The following ATXN10 variants were observed in gnomAD, a reference collection of about 807,000 sequenced individuals.
The protein encoded by ATXN10 is ataxin-10.
ATXN10 carries 28 observed loss-of-function variants against 52.9 expected under a neutral mutation model. The observed-to-expected ratio is 0.53, with a 90% CI of 0.39 to 0.73. ATXN10 has a LOEUF of 0.73. Ranked by LOEUF, ATXN10 falls within the 30% of genes least tolerant of loss-of-function variation. ATXN10 has a pLI of 0.00. For missense variants in ATXN10, 565 were observed against 577.0 expected (o/e 0.98, Z 0.21); for synonymous variants, 226 against 221.5 (o/e 1.02, Z -0.18).
At chr22:45,704,588 G>A (rs1303478889) in intron 5 of ATXN10, among the ~76,000 whole-genome samples, 1 of 152,152 alleles carries the variant, frequency 6.6e-6, no homozygotes, top group Admixed American at 6.6e-5. Context: ...TTGCTAATGT[G>A]TAGAAATACA....
rs549172131 is a variant in ATXN10 at position 45,742,186 on chromosome 22, T to TA, written c.1173+1659dup. 7.8e-4 allele frequency among the ~76,000 whole-genome samples: 114 copies of TA among 145,588 alleles called. 2 individuals carry two copies. The highest frequency in any genetic ancestry group is 3.4e-3 in the Admixed American group (50 of 14,530). ...CTGTAGATAATTAATAATTGCCCTC[T>TA]AAAAAAAAAAATCAACACTCTTTAG... On this transcript the variant is annotated intron_variant, in intron 9 of 11. Transcript: ENST00000252934.
intron 9 of ATXN10, among the ~76,000 whole-genome samples, chr22:45,778,915 G>T (rs959480678): frequency 2.6e-5 from 4 of 152,144 alleles, no homozygotes; most frequent in African/African-American, 7.2e-5. Flanking sequence ...CTCCATCTTG[G>T]CACTCAGGCA....
At chr22:45,755,666 A>T (rs1033156213) in intron 9 of ATXN10, among the ~76,000 whole-genome samples, 1 of 152,184 alleles carries the variant, frequency 6.6e-6, no homozygotes, top group Non-Finnish European at 1.5e-5. Context: ...AGATTGGAAA[A>T]ATAAAATTTT....
chr22:45,678,326 C>T lies in ATXN10; in HGVS notation c.116+6147C>T, dbSNP rs563401106. On this transcript the variant is annotated intron_variant, in intron 1 of 11. Coordinates refer to ENST00000252934, the MANE Select transcript of ATXN10 (RefSeq NM_013236.4). This position sits in a 1 kb window ranked among gnomAD's most constrained non-coding sequence, Gnocchi z 4.1. The stretch of plus-strand genomic sequence containing the variant: ...GCTTTAAGTGGGTGACTTTAGTGTG[C>T]CACGTGAACCCTATCTCAATAGTGC... 6.6e-6 allele frequency: 1 copy of T among 152,258 alleles called. No homozygotes were observed. Among genetic ancestry groups the T allele is most frequent in the African/African-American group, 2.4e-5 (1 of 41,532 alleles). The allele number at this position is 152,258 out of a possible 1,614,324, so 9.4% of individuals were successfully genotyped here.
chr22:45,711,212 C>T (rs1462919577), intron 5 of ATXN10, among the ~76,000 whole-genome samples: 2 of 151,510 alleles, frequency 1.3e-5, no homozygotes, highest in Non-Finnish European at 2.9e-5. Context: ...TGGTACAAGC[C>T]ATAACTTGGG....
At chr22:45,726,774 T>A (rs1009296113) in intron 6 of ATXN10, among the ~76,000 whole-genome samples, 7 of 152,088 alleles carry the variant, frequency 4.6e-5, no homozygotes, top group African/African-American at 1.7e-4. Context: ...TTGACCTTCC[T>A]GGGCTGAAGT....
chr22:45,687,522 A>G (rs961342992), intron 1 of ATXN10, among the ~76,000 whole-genome samples: 5 of 152,216 alleles, frequency 3.3e-5, no homozygotes, highest in Admixed American at 3.3e-4. Flanking sequence ...CTCAGTAGGA[A>G]AAGAGAGGCG....
Position 45,733,992 on chromosome 22 carries a change from A to G in ATXN10, c.894+4402A>G, listed in dbSNP as rs371183586. On this transcript the variant is annotated intron_variant, in intron 7 of 11. Coordinates refer to ENST00000252934, the MANE Select transcript of ATXN10 (RefSeq NM_013236.4). This position sits in a 1 kb window ranked among gnomAD's most constrained non-coding sequence, Gnocchi z 4.4. Reference sequence around the variant, plus strand: ...TGTGTATATTCATTGTATGTTTTTAATAGTTGAATAATATTTAACTATATA... The same window carrying G: ...TGTGTATATTCATTGTATGTTTTTAGTAGTTGAATAATATTTAACTATATA... Among the ~76,000 whole-genome samples, 11 of 152,120 alleles carry G rather than the reference A, an allele frequency of 7.2e-5. No homozygotes were observed. The South Asian group carries it at 1.7e-3, about 23-fold the overall frequency.
chr22:45,678,562 A>G lies in ATXN10; in HGVS notation c.116+6383A>G, dbSNP rs1379924723. The G allele has an allele frequency of 6.6e-6, 1 of 152,174 alleles. No homozygotes were observed. Among genetic ancestry groups the G allele is most frequent in the Non-Finnish European group, 1.5e-5 (1 of 68,012 alleles). The allele number at this position is 152,174 out of a possible 1,614,324, so 9.4% of individuals were successfully genotyped here. ...TTCATAATAAAATAGCCTTTTATGTATCTTTTTCCCTACTCAGTAGTGCCT... is the reference window on the plus strand; with the variant it reads ...TTCATAATAAAATAGCCTTTTATGTGTCTTTTTCCCTACTCAGTAGTGCCT... On this transcript the variant is annotated intron_variant, in intron 1 of 11. Coordinates refer to ENST00000252934, the MANE Select transcript of ATXN10 (RefSeq NM_013236.4). This position sits in a 1 kb window ranked among gnomAD's most constrained non-coding sequence, Gnocchi z 4.1.
At chr22:45,706,679 G>T (rs1208780502) in intron 5 of ATXN10, among the ~76,000 whole-genome samples, 2 of 2,388 alleles carry the variant, frequency 8.4e-4, no homozygotes, top group Non-Finnish European at 1.7e-3. Flanking sequence ...GGAGTTTGTT[G>T]TTTAATTTCC....
chr22:45,832,372 CCCT>C (rs1456113561), intron 10 of ATXN10, among the ~76,000 whole-genome samples: 1 of 152,200 alleles, frequency 6.6e-6, no homozygotes, highest in Non-Finnish European at 1.5e-5. Context: ...CCCATCTGCA[CCCT>C]CCTCCTCAGC....
intron 5 of ATXN10, among the ~76,000 whole-genome samples, chr22:45,717,135 C>A (rs1179183733): frequency 2.0e-5 from 3 of 152,058 alleles, no homozygotes; most frequent in African/African-American, 4.8e-5. Flanking sequence ...TGGCGAAATA[C>A]CTCCTCTAGC....
In ATXN10 at chr22:45,729,452, C is replaced by T. The variant is rs771885827; in HGVS notation, c.756C>T (p.Ala252=). Residue 252 remains alanine (A), a synonymous_variant, in exon 7 of 12, where the codon GCC becomes GCT. Coordinates refer to ENST00000252934, the MANE Select transcript of ATXN10 (RefSeq NM_013236.4). ...ERVTLLDLMI[A]KITSDEPLTK... ...TTACACTGTTAGACCTTATGATAGCCAAGATAACGAGTGATGAGCCACTCA... is the reference window on the plus strand; with the variant it reads ...TTACACTGTTAGACCTTATGATAGCTAAGATAACGAGTGATGAGCCACTCA... 1.5e-5 allele frequency: 24 copies of T among 1,614,018 alleles called. No homozygotes were observed. The highest frequency in any genetic ancestry group is 1.9e-5 in the Non-Finnish European group (23 of 1,180,018).
chr22:45,757,806 C>T lies in ATXN10; in HGVS notation c.1173+17268C>T, dbSNP rs1926229627. Among the ~76,000 whole-genome samples the T allele has an allele frequency of 6.6e-6, 1 of 152,094 alleles. No individual in the cohort carries two copies. The highest frequency in any genetic ancestry group is 1.5e-5 in the Non-Finnish European group (1 of 68,018). On this transcript the variant is annotated intron_variant, in intron 9 of 11. Coordinates refer to ENST00000252934, the MANE Select transcript of ATXN10 (RefSeq NM_013236.4). The surrounding 1 kb of genome is among the most constrained non-coding windows in gnomAD (Gnocchi z 4.6). ...TTTTAAGAATTATTCTCTATTAGTA[C>T]TTTTCTTACATGATTCAACTTGGAC...
intron 7 of ATXN10, among the ~76,000 whole-genome samples, chr22:45,734,162 A>C (rs1232230813): frequency 6.6e-6 from 1 of 152,150 alleles, no homozygotes; most frequent in Admixed American, 6.5e-5. Flanking sequence ...CCAGGTTATA[A>C]ATTCCTGGAG....
At position 45,833,748 on chromosome 22, in the gene ATXN10, G is replaced by A. The variant is rs568712107; in HGVS notation, c.1238-9243G>A. 3.3e-5 allele frequency among the ~76,000 whole-genome samples: 5 copies of A among 152,294 alleles called. No individual in the cohort carries two copies. The highest frequency in any genetic ancestry group is 9.6e-5 in the African/African-American group (4 of 41,566). The stretch of plus-strand genomic sequence containing the variant: ...ACAAAACCTACCGTTCCTTGTACTG[G>A]TTTGTAGGCATAGCTCAGAAACGTG... On this transcript the variant is annotated intron_variant, in intron 10 of 11. Coordinates refer to ENST00000252934, the MANE Select transcript of ATXN10 (RefSeq NM_013236.4). This position sits in a 1 kb window ranked among gnomAD's most constrained non-coding sequence, Gnocchi z 4.3.
chr22:45,788,539 C>G lies in ATXN10; in HGVS notation c.1174-18420C>G, dbSNP rs200754533. On this transcript the variant is annotated intron_variant, in intron 9 of 11. Coordinates refer to ENST00000252934, the MANE Select transcript of ATXN10 (RefSeq NM_013236.4). ...TTCATTCAGCGTCTGCAGCAGCTTCCTCACTGGGCTTCTTCGTGCCGCTCT... is the reference window on the plus strand; with the variant it reads ...TTCATTCAGCGTCTGCAGCAGCTTCGTCACTGGGCTTCTTCGTGCCGCTCT... Among the ~76,000 whole-genome samples, 10 of 152,022 alleles carry G rather than the reference C, an allele frequency of 6.6e-5. No homozygotes were observed. The East Asian group carries it at 1.9e-3, about 29-fold the overall frequency.
intron 9 of ATXN10, among the ~76,000 whole-genome samples, chr22:45,798,405 T>G (rs1056244860): frequency 1.1e-4 from 17 of 152,188 alleles, no homozygotes; most frequent in African/African-American, 3.9e-4. Flanking sequence ...TTCTCCCATA[T>G]TAACAGAATA....
rs1189559942 is a variant in ATXN10, at chr22:45,715,680, C to T, written c.648-2733C>T. 6.6e-6 allele frequency among the ~76,000 whole-genome samples: 1 copy of T among 152,200 alleles called. No individual in the cohort carries two copies. The highest frequency in any genetic ancestry group is 1.5e-5 in the Non-Finnish European group (1 of 68,042). On this transcript the variant is annotated intron_variant, in intron 5 of 11. Coordinates refer to ENST00000252934, the MANE Select transcript of ATXN10 (RefSeq NM_013236.4). This position sits in a 1 kb window ranked among gnomAD's most constrained non-coding sequence, Gnocchi z 4.4. ...TTGGTAGTACTGTCGTAGGTAGCCA[C>T]CTTCACCTGAGTGATATTTATAGAC...
Sources: allele counts gnomAD v4.1 joint callset (sites outside exome capture counted in the v4.1 genomes callset), GRCh38; gene constraint gnomAD v4.1.1; non-coding constraint Gnocchi (gnomAD v3.1); transcripts MANE v1.5; gene names NCBI Gene and HGNC (gene_info 2026-07-23, HGNC 2026-07-21).